The following SIMC1 variants were observed in gnomAD, a reference collection of about 807,000 sequenced individuals.
SIMC1 encodes SUMO interacting motifs containing 1.
Under a neutral mutation model 82.3 loss-of-function variants are expected in SIMC1, and 55 were observed. That is an observed-to-expected ratio of 0.67 (90% CI 0.54 to 0.84). SIMC1 has a LOEUF of 0.84. Ranked by LOEUF, SIMC1 falls within the 40% of genes least tolerant of loss-of-function variation. The pLI is 0.00. For missense variants in SIMC1, 915 were observed against 1,107.2 expected (o/e 0.83, Z 2.46); for synonymous variants, 353 against 426.3 (o/e 0.83, Z 2.12).
Position 176,282,421 on chromosome 5 carries a change from A to G in SIMC1, c.130-7233A>G, listed in dbSNP as rs543671158. On this transcript the variant is annotated intron_variant, in intron 1 of 9. Coordinates refer to ENST00000429602, the MANE Select transcript of SIMC1 (RefSeq NM_001308195.2). ...TGCCTCGCCCTGCTTCGGCTCGCGCATGGTGCGCTGCACCCACTGACCTGC... is the reference window on the plus strand; with the variant it reads ...TGCCTCGCCCTGCTTCGGCTCGCGCGTGGTGCGCTGCACCCACTGACCTGC... Among the ~76,000 whole-genome samples the G allele has an allele frequency of 5.3e-4, 81 of 152,342 alleles. 1 individual carries two copies. In the South Asian group the frequency reaches 7.9e-3, roughly 15 times the overall value.
chr5:176,269,413 G>A (rs183051063), intron 1 of SIMC1, among the ~76,000 whole-genome samples: 357 of 151,976 alleles, frequency 2.3e-3, no homozygotes, highest in African/African-American at 8.1e-3. Context: ...CAATAAATTT[G>A]ATAAATGAAA....
chr5:176,255,399 T>C (rs1048069034), intron 1 of SIMC1, among the ~76,000 whole-genome samples: 5 of 152,064 alleles, frequency 3.3e-5, no homozygotes, highest in African/African-American at 1.2e-4. Flanking sequence ...CTGGCCAACA[T>C]GGTGAAACCC....
chr5:176,297,502 C>G (rs866930697), intron 4 of SIMC1, among the ~76,000 whole-genome samples: 565 of 35,980 alleles, frequency 0.016, 23 homozygotes, highest in African/African-American at 0.053. Flanking sequence ...AACTCTGTCT[C>G]AAAAAAAAAA....
chr5:176,308,307 C>G (rs375137145), intron 4 of SIMC1: 4 of 1,454,800 alleles, frequency 2.7e-6, no homozygotes, highest in Non-Finnish European at 3.9e-6. Context: ...ATCTTAACGA[C>G]GTTCTGATAA....
intron 1 of SIMC1, among the ~76,000 whole-genome samples, chr5:176,283,864 G>A (rs1581252072): frequency 6.6e-6 from 1 of 151,960 alleles, no homozygotes; most frequent in East Asian, 1.9e-4. Flanking sequence ...AAAAAGGCAG[G>A]GGTTGCAATC....
intron 1 of SIMC1, among the ~76,000 whole-genome samples, chr5:176,256,206 A>C (rs1001038901): frequency 2.6e-5 from 4 of 152,222 alleles, no homozygotes; most frequent in Non-Finnish European, 5.9e-5. Context: ...GAATTAGGTC[A>C]AAATCTCTTG....
In SIMC1 at chr5:176,255,243, CA is replaced by C. The variant is rs528942109; in HGVS notation, c.129+16616del. 3.9e-3 allele frequency among the ~76,000 whole-genome samples: 524 copies of C among 135,026 alleles called. 2 individuals carry two copies. The highest frequency in any genetic ancestry group is 0.013 in the African/African-American group (483 of 36,450). 88.6% of individuals were successfully genotyped at this position (135,026 alleles called of 152,430 possible). On this transcript the variant is annotated intron_variant, in intron 1 of 9. Transcript: ENST00000429602. ...TGAGCAACAGAGCAAGACTCCACCT[CA>C]AAAAAAAAAGAACCAATAATGTTTC...
intron 1 of SIMC1, among the ~76,000 whole-genome samples, chr5:176,263,098 C>T (rs1762071668): frequency 6.6e-6 from 1 of 152,114 alleles, no homozygotes; most frequent in Admixed American, 6.5e-5. Flanking sequence ...AAAATATCTA[C>T]AAAATCTTTA....
At chr5:176,332,140 T>C (rs1765697404) in intron 7 of SIMC1, among the ~76,000 whole-genome samples, 2 of 152,246 alleles carry the variant, frequency 1.3e-5, no homozygotes, top group African/African-American at 4.8e-5. Context: ...GTATTGGTTT[T>C]ATACCTGTAA....
At chr5:176,280,050 A>G (rs1311423408) in intron 1 of SIMC1, among the ~76,000 whole-genome samples, 1 of 152,050 alleles carries the variant, frequency 6.6e-6, no homozygotes, top group Non-Finnish European at 1.5e-5. Context: ...TGTCTTGTTG[A>G]TCTGTCTAAT....
intron 1 of SIMC1, among the ~76,000 whole-genome samples, chr5:176,279,060 G>A (rs1351351214): frequency 1.3e-5 from 2 of 152,166 alleles, no homozygotes; most frequent in Non-Finnish European, 2.9e-5. Context: ...GTAGAATTCG[G>A]CTGTGAATCC....
chr5:176,251,544 C>T (rs1477481333), intron 1 of SIMC1, among the ~76,000 whole-genome samples: 1 of 151,164 alleles, frequency 6.6e-6, no homozygotes, highest in East Asian at 1.9e-4. Context: ...GAAGCATAGT[C>T]TGGCTGGATA....
In SIMC1 at chr5:176,345,291, T is replaced by G. The variant is rs116804795; in HGVS notation, c.2522T>G (p.Ile841Ser). 6.2e-7 allele frequency: 1 copy of G among 1,613,844 alleles called. No homozygotes were observed. Among genetic ancestry groups the G allele is most frequent in the Admixed American group, 1.7e-5 (1 of 59,994 alleles). ...ACAGTGGTAGACGTAGAGAAGCAGATTGAGGCCTTCCGCAGCCGCCTGATC... is the reference window on the plus strand; with the variant it reads ...ACAGTGGTAGACGTAGAGAAGCAGAGTGAGGCCTTCCGCAGCCGCCTGATC... The part of the protein sequence containing the change: ...DITVVDVEKQ[I>S]EAFRSRLIQM... The change falls in exon 10 of 10, where the codon ATT (isoleucine) becomes AGT (serine). Residue 841 changes from isoleucine (I) to serine (S), a missense_variant. This residue lies in a region of SIMC1 where 902 missense variants were observed against 1,040.3 expected (regional missense o/e 0.87). Coordinates refer to ENST00000429602, the MANE Select transcript of SIMC1 (RefSeq NM_001308195.2).
intron 5 of SIMC1, among the ~76,000 whole-genome samples, chr5:176,317,943 C>G (rs1240672735): frequency 1.3e-5 from 2 of 152,162 alleles, no homozygotes; most frequent in African/African-American, 2.4e-5. Flanking sequence ...GCACACTCCA[C>G]AGGGTAGGAG....
chr5:176,280,809 C>T (rs1393676476), intron 1 of SIMC1, among the ~76,000 whole-genome samples: 3 of 152,250 alleles, frequency 2.0e-5, no homozygotes, highest in Admixed American at 2.0e-4. Context: ...CGCTGTTAGT[C>T]TGGTGGGCTT....
chr5:176,331,163 G>A (rs1688403054), intron 7 of SIMC1, among the ~76,000 whole-genome samples: 2 of 151,932 alleles, frequency 1.3e-5, no homozygotes. Flanking sequence ...GAGGTCAGGA[G>A]ATCAATACCA....
intron 4 of SIMC1, among the ~76,000 whole-genome samples, chr5:176,309,525 T>C (rs1764566965): frequency 6.6e-6 from 1 of 152,196 alleles, no homozygotes; most frequent in Admixed American, 6.5e-5. Flanking sequence ...ACTGGTATAT[T>C]GGACTTCTTC....
intron 4 of SIMC1, among the ~76,000 whole-genome samples, chr5:176,304,823 C>T (rs960565414): frequency 3.3e-5 from 5 of 150,014 alleles, no homozygotes; most frequent in East Asian, 2.0e-4. Flanking sequence ...ATGTGGGGAG[C>T]GCCTCTGCCC....
chr5:176,316,864 G>A (rs1403731869), intron 5 of SIMC1, among the ~76,000 whole-genome samples: 1 of 152,084 alleles, frequency 6.6e-6, no homozygotes, highest in Non-Finnish European at 1.5e-5. Flanking sequence ...GTGCACTTCT[G>A]TAATCCCAGC....
Sources: gnomAD v4.1 joint callset for allele counts (sites outside exome capture counted in the v4.1 genomes callset) on GRCh38, gnomAD v4.1.1 for gene constraint, gnomAD v4.1.1 regional missense constraint, MANE v1.5 for transcripts, NCBI Gene and HGNC (gene_info 2026-07-23, HGNC 2026-07-21) for gene names.